The following RHOF variants were observed in gnomAD, a reference collection of about 807,000 sequenced individuals.
The protein encoded by RHOF is ras homolog family member F, filopodia associated, also known as rho-related GTP-binding protein RhoF.
A neutral mutation model predicts 22.2 loss-of-function variants in RHOF; 21 were observed. The ratio of observed to expected loss-of-function variants is 0.95; its 90% confidence interval spans 0.67 to 1.36. RHOF has a LOEUF of 1.36. Among genes scored for constraint, RHOF ranks in the 40% most tolerant of loss-of-function variants. The probability of loss-of-function intolerance (pLI) is 0.00; values close to 1 mark genes in which losing one functional copy is unlikely to be tolerated. For missense variants in RHOF, 285 were observed against 293.7 expected (o/e 0.97, Z 0.22); for synonymous variants, 135 against 131.2 (o/e 1.03, Z -0.20).
At position 121,793,341 on chromosome 12, in the gene RHOF, C is replaced by T. The variant is rs532875831; in HGVS notation, c.139-102G>A. 78 of 1,431,298 alleles carry T rather than the reference C, an allele frequency of 5.4e-5. No individual in the cohort carries two copies. The African/African-American group carries it at 9.6e-4, about 18-fold the overall frequency. The allele number at this position is 1,431,298 out of a possible 1,614,324, so 88.7% of individuals were successfully genotyped here. A position where few individuals can be genotyped will look rare whatever the true frequency, so the allele number is the denominator to read the frequency against. The stretch of plus-strand genomic sequence containing the variant: ...CCCCTCACTCGTCCCGGATCAGCCC[C>T]CCCTCACCCCGCTGGGCTCTGGAAT... On this transcript the variant is annotated intron_variant, in intron 1 of 4. Coordinates refer to ENST00000267205, the MANE Select transcript of RHOF (RefSeq NM_019034.3).
At chr12:121,787,313 G>A (rs573178071) in intron 2 of RHOF, among the ~76,000 whole-genome samples, 2 of 152,170 alleles carry the variant, frequency 1.3e-5, no homozygotes, top group African/African-American at 4.8e-5. Flanking sequence ...TGGGAGGTGC[G>A]CTGGGTGGGG....
chr12:121,793,339 C>T (rs1024081959), intron 1 of RHOF, 100 bp from the exon 2 acceptor site: 13 of 1,427,332 alleles, frequency 9.1e-6, no homozygotes, highest in Admixed American at 4.0e-5. Context: ...CCGGATCAGC[C>T]CCCCCTCACC....
chr12:121,788,611 C>T (rs528312980), intron 2 of RHOF, among the ~76,000 whole-genome samples: 1 of 152,180 alleles, frequency 6.6e-6, no homozygotes, highest in Non-Finnish European at 1.5e-5. Flanking sequence ...TTCACTCATG[C>T]ACATTCTGGG....
intron 4 of RHOF, chr12:121,779,896 T>C (rs1874384404): frequency 5.8e-6 from 3 of 518,272 alleles, no homozygotes; most frequent in African/African-American, 3.8e-5. Flanking sequence ...CTGGCCTCTC[T>C]CCAGCTCCGG....
chr12:121,793,037 C>G, intron 2 of RHOF, 115 bp downstream of exon 2: 1 of 890,240 alleles, frequency 1.1e-6, no homozygotes, highest in Non-Finnish European at 1.7e-6. Flanking sequence ...GAGTGAAGAG[C>G]CGGCCAAGGC....
rs368277328 is a variant in RHOF, at chr12:121,793,078, G to A, written c.226+74C>T. On this transcript the variant is annotated intron_variant, in intron 2 of 4. Coordinates refer to ENST00000267205, the MANE Select transcript of RHOF (RefSeq NM_019034.3). ...CAAGGCTGCAGGGCGGGGACACCCAGTGGGGGACGCCCGGGAGGGGAAACC... is the reference window on the plus strand; with the variant it reads ...CAAGGCTGCAGGGCGGGGACACCCAATGGGGGACGCCCGGGAGGGGAAACC... 261 of 1,313,088 alleles carry A rather than the reference G, an allele frequency of 2.0e-4. 1 individual carries two copies. The highest frequency in any genetic ancestry group is 8.0e-5 in the Admixed American group (4 of 50,272). 81.3% of individuals were successfully genotyped at this position (1,313,088 alleles called of 1,614,324 possible). A position where few individuals can be genotyped will look rare whatever the true frequency, so the allele number is the denominator to read the frequency against.
chr12:121,793,246 G>A lies in RHOF; in HGVS notation c.139-7C>T, dbSNP rs2137509670. On this transcript the variant is annotated splice_region_variant and splice_polypyrimidine_tract_variant and intron_variant, in intron 1 of 4. Coordinates refer to ENST00000267205, the MANE Select transcript of RHOF (RefSeq NM_019034.3). ...ACACCGATGGGGCGTAGTGCTGCGG[G>A]AGAGGGGGTCGGGTTGGTCCTTAGT... is the stretch of plus-strand genomic sequence containing the variant. The A allele has an allele frequency of 1.3e-6, 2 of 1,550,754 alleles. No individual in the cohort carries two copies. The highest frequency in any genetic ancestry group is 2.7e-5 in the African/African-American group (2 of 73,174).
chr12:121,783,263 G>A (rs1874520000), intron 2 of RHOF, among the ~76,000 whole-genome samples: 1 of 148,654 alleles, frequency 6.7e-6, no homozygotes, highest in Non-Finnish European at 1.5e-5. Flanking sequence ...TAAAACACAA[G>A]TCATATCCTG....
At chr12:121,793,458 G>A (rs777970145) in intron 1 of RHOF, 38 bp downstream of exon 1, 2 of 1,536,426 alleles carry the variant, frequency 1.3e-6, no homozygotes, top group East Asian at 4.9e-5. Context: ...GGTAAGGGGC[G>A]TCCCTCGCCC....
At chr12:121,786,126 A>T (rs1168720160) in intron 2 of RHOF, among the ~76,000 whole-genome samples, 13 of 139,224 alleles carry the variant, frequency 9.3e-5, no homozygotes, top group East Asian at 8.8e-4. Flanking sequence ...TTCACCGTGT[A>T]AGCCAGGATG....
chr12:121,786,383 C>T (rs1050684772), intron 2 of RHOF, among the ~76,000 whole-genome samples: 14 of 152,184 alleles, frequency 9.2e-5, no homozygotes, highest in Non-Finnish European at 1.8e-4. Context: ...TCACACACAG[C>T]AGAGACAAGG....
chr12:121,779,944 C>T (rs1437884978), intron 4 of RHOF: 3 of 291,940 alleles, frequency 1.0e-5, no homozygotes, highest in African/African-American at 1.0e-4. Context: ...GGGGTTGGTT[C>T]CCCCAGGTGT....
chr12:121,787,361 G>A (rs1226685321), intron 2 of RHOF, among the ~76,000 whole-genome samples: 2 of 152,186 alleles, frequency 1.3e-5, no homozygotes, highest in Non-Finnish European at 2.9e-5. Context: ...GGTGGAGGGG[G>A]CCTTTGTCAA....
chr12:121,782,558 C>A (rs1222468261), intron 2 of RHOF: 1 of 152,242 alleles, frequency 6.6e-6, no homozygotes, highest in African/African-American at 2.4e-5. Flanking sequence ...CACCAGCCTG[C>A]CCCCCGTTCC....
intron 2 of RHOF, among the ~76,000 whole-genome samples, chr12:121,791,180 C>T (rs1874754650): frequency 6.6e-6 from 1 of 152,082 alleles, no homozygotes. Context: ...GGCTGGACTG[C>T]AATGGCACAA....
At chr12:121,786,078 G>C (rs1179313581) in intron 2 of RHOF, among the ~76,000 whole-genome samples, 2 of 149,284 alleles carry the variant, frequency 1.3e-5, no homozygotes, top group Non-Finnish European at 3.0e-5. Context: ...ACCACGCCCG[G>C]CTAATTTTTT....
chr12:121,785,687 T>C (rs1368723811), intron 2 of RHOF, among the ~76,000 whole-genome samples: 1 of 152,134 alleles, frequency 6.6e-6, no homozygotes, highest in East Asian at 1.9e-4. Context: ...CTCAGCTCAC[T>C]GCAACCTCCG....
rs747662794 is a variant in RHOF, at chr12:121,780,945, G to A, written c.398C>T (p.Thr133Ile). 6.2e-7 allele frequency: 1 copy of A among 1,613,996 alleles called. No homozygotes were observed. The highest frequency in any genetic ancestry group is 1.3e-5 in the African/African-American group (1 of 74,926). The change falls in exon 4 of 5, where the codon ACA (threonine) becomes ATA (isoleucine). Residue 133 changes from threonine to isoleucine, a missense_variant. Thr to Ile is a moderately conservative substitution (Grantham distance 89). Transcript: ENST00000267205. ...CTGCTCCTTGTCCTTCCTCAGGTCT[G>A]TCTTGCAGCCGATGAGCACCATGGG... ...GIPMVLIGCK[T>I]DLRKDKEQLR...
chr12:121,793,594 CG>C lies in RHOF; in HGVS notation c.39del (p.Gly14ValfsTer7). The C allele has an allele frequency of 4.5e-6, 7 of 1,551,626 alleles. No homozygotes were observed. The highest frequency in any genetic ancestry group is 2.4e-5 in the East Asian group (1 of 42,018). On this transcript the variant is annotated frameshift_variant, in exon 1 of 5. Coordinates refer to ENST00000267205, the MANE Select transcript of RHOF (RefSeq NM_019034.3). LOFTEE classifies it high-confidence loss of function. ...APGALAQTAA[P>X]GPGRKELKIV... is the part of the protein sequence containing the mutation. ...ATCTTCAGCTCCTTCCTGCCCGGAC[CG>C]GGGGCGGCGGTCTGGGCCAGGGCCC...
Sources: allele counts gnomAD v4.1 joint callset (sites outside exome capture counted in the v4.1 genomes callset), GRCh38; gene constraint gnomAD v4.1.1; transcripts MANE v1.5; gene names NCBI Gene and HGNC (gene_info 2026-07-23, HGNC 2026-07-21).